Variants in SLC6A15 observed in about 807,000 individuals in gnomAD.
SLC6A15 encodes the protein solute carrier family 6 member 15, also known as sodium-dependent neutral amino acid transporter B(0)AT2.
In SLC6A15, 33 loss-of-function variants were observed where a neutral mutation model predicts 68.5. The observed-to-expected ratio is 0.48, with a 90% confidence interval of 0.37 to 0.64. SLC6A15 has a LOEUF of 0.64. Ranked by LOEUF, SLC6A15 falls within the 30% of genes least tolerant of loss-of-function variation. The pLI is 0.00. For missense variants in SLC6A15, 747 were observed against 874.3 expected (o/e 0.85, Z 1.84); for synonymous variants, 347 against 301.0 (o/e 1.15, Z -1.58).
At chr12:84,879,113 C>T (rs1871699569) in intron 5 of SLC6A15, among the ~76,000 whole-genome samples, 1 of 151,860 alleles carries the variant, frequency 6.6e-6, no homozygotes, top group Non-Finnish European at 1.5e-5. Context: ...CTTCGTCTTC[C>T]ACAAGCTGCA....
chr12:84,889,551 C>G (rs1028712310), intron 2 of SLC6A15, among the ~76,000 whole-genome samples: 1 of 143,672 alleles, frequency 7.0e-6, no homozygotes, highest in African/African-American at 2.6e-5. Context: ...ACAGTTTTCC[C>G]TGAGTCTTTG....
chr12:84,912,244 G>C (rs546167970), intron 1 of SLC6A15, among the ~76,000 whole-genome samples: 1 of 152,126 alleles, frequency 6.6e-6, no homozygotes, highest in African/African-American at 2.4e-5. Flanking sequence ...AAGGATGGCG[G>C]CACGTTTCAA....
chr12:84,894,076 T>C (rs1441710613), intron 1 of SLC6A15, among the ~76,000 whole-genome samples: 3 of 152,170 alleles, frequency 2.0e-5, no homozygotes, highest in Non-Finnish European at 2.9e-5. Flanking sequence ...TGGAAATAAT[T>C]CATGAGGTTT....
intron 1 of SLC6A15, among the ~76,000 whole-genome samples, chr12:84,907,269 A>G (rs1461546447): frequency 6.6e-6 from 1 of 152,024 alleles, no homozygotes; most frequent in Non-Finnish European, 1.5e-5. Context: ...AATGGTGTGA[A>G]CCAGGGAGGC....
chr12:84,882,043 T>A (rs988914541), intron 5 of SLC6A15: 20 of 984,454 alleles, frequency 2.0e-5, no homozygotes, highest in Non-Finnish European at 2.3e-5. Flanking sequence ...TTACACTACA[T>A]GACATGAGAA....
chr12:84,901,464 T>C (rs1451850411), intron 1 of SLC6A15, among the ~76,000 whole-genome samples: 2 of 151,814 alleles, frequency 1.3e-5, no homozygotes, highest in African/African-American at 4.8e-5. Flanking sequence ...TTATTACTGA[T>C]ATTGGTAATA....
intron 1 of SLC6A15, among the ~76,000 whole-genome samples, chr12:84,911,373 A>G (rs1484373993): frequency 1.3e-5 from 2 of 152,200 alleles, no homozygotes; most frequent in Non-Finnish European, 2.9e-5. Flanking sequence ...CGGCAAGACC[A>G]GAAGAAACCG....
chr12:84,883,628 G>T, intron 5 of SLC6A15: 1 of 1,420,954 alleles, frequency 7.0e-7, no homozygotes. Flanking sequence ...AGATCTTGTT[G>T]AAATAAGGAA....
chr12:84,869,439 T>C (rs1224418264), intron 9 of SLC6A15, among the ~76,000 whole-genome samples: 1 of 118,132 alleles, frequency 8.5e-6, no homozygotes, highest in Non-Finnish European at 1.6e-5. Flanking sequence ...CACTCCAGCC[T>C]GGGCGACAGA....
chr12:84,870,690 G>A lies in SLC6A15; in HGVS notation c.1303-20C>T, dbSNP rs773215975. On this transcript the variant is annotated intron_variant, in intron 8 of 11. Coordinates refer to ENST00000266682, the MANE Select transcript of SLC6A15 (RefSeq NM_182767.6). ...AACAGCCTGCAAAATACACAAAATA[G>A]CAACATTAGTACAGAGTAATTATTA... 11 of 1,553,748 alleles carry A rather than the reference G, an allele frequency of 7.1e-6. No homozygotes were observed. Among genetic ancestry groups the A allele is most frequent in the Non-Finnish European group, 9.7e-6 (11 of 1,131,990 alleles).
chr12:84,868,175 A>G (rs1210559889), intron 9 of SLC6A15, among the ~76,000 whole-genome samples: 1 of 152,202 alleles, frequency 6.6e-6, no homozygotes, highest in Non-Finnish European at 1.5e-5. Context: ...CTTAAGTACT[A>G]TACTAGTGCT....
At chr12:84,876,349 G>T (rs1297453182) in intron 6 of SLC6A15, 148 bp downstream of exon 6, 2 of 442,290 alleles carry the variant, frequency 4.5e-6, no homozygotes, top group Non-Finnish European at 8.0e-6. Flanking sequence ...AAAAATGCTG[G>T]TTTTTCCTAG....
rs533285231 is a variant in SLC6A15 at position 84,888,889 on chromosome 12, G to T, written c.290-2821C>A. Among the ~76,000 whole-genome samples, 43 of 151,888 alleles carry T rather than the reference G, an allele frequency of 2.8e-4. No homozygotes were observed. In the South Asian group the frequency reaches 8.9e-3, roughly 32 times the overall value. On this transcript the variant is annotated intron_variant, in intron 2 of 11. Coordinates refer to ENST00000266682, the MANE Select transcript of SLC6A15 (RefSeq NM_182767.6). ...TACTCCTGTCTCCCACTCTTTTTTT[G>T]TCCCTGAAGCAAGTCACAGACACAA...
intron 1 of SLC6A15, among the ~76,000 whole-genome samples, chr12:84,910,138 T>G (rs76395644): frequency 0.021 from 3,158 of 152,240 alleles, 126 homozygotes; most frequent in African/African-American, 0.072. Context: ...TAAAAATAAC[T>G]TTCTTAATTC....
At chr12:84,877,724 A>G (rs1871617744) in intron 5 of SLC6A15, among the ~76,000 whole-genome samples, 2 of 152,076 alleles carry the variant, frequency 1.3e-5, no homozygotes, top group Admixed American at 6.5e-5. Context: ...GCCTTTTTCT[A>G]TCCTTTCTCT....
intron 1 of SLC6A15, among the ~76,000 whole-genome samples, chr12:84,896,048 G>C (rs1248478314): frequency 6.6e-6 from 1 of 152,196 alleles, no homozygotes; most frequent in East Asian, 1.9e-4. Flanking sequence ...AGGTCATATG[G>C]ACAGTAGTGG....
At chr12:84,900,187 G>A (rs2120713093) in intron 1 of SLC6A15, among the ~76,000 whole-genome samples, 1 of 151,888 alleles carries the variant, frequency 6.6e-6, no homozygotes, top group Admixed American at 6.6e-5. Flanking sequence ...TCAGTGTATT[G>A]GTCTTGCACA....
At chr12:84,898,151 C>A (rs1872707659) in intron 1 of SLC6A15, among the ~76,000 whole-genome samples, 1 of 152,070 alleles carries the variant, frequency 6.6e-6, no homozygotes, top group African/African-American at 2.4e-5. Context: ...ACCAGCCTGG[C>A]CAACATGGTG....
intron 5 of SLC6A15, chr12:84,883,228 A>T (rs1182454412): frequency 4.1e-6 from 4 of 985,102 alleles, no homozygotes; most frequent in Non-Finnish European, 4.8e-6. Flanking sequence ...TTTAAAAATA[A>T]TAACAAACAA....
Sources: gnomAD v4.1 joint callset for allele counts (sites outside exome capture counted in the v4.1 genomes callset) on GRCh38, gnomAD v4.1.1 for gene constraint, MANE v1.5 for transcripts, NCBI Gene and HGNC (gene_info 2026-07-23, HGNC 2026-07-21) for gene names.